The following SLC45A4 variants were observed in gnomAD, a reference collection of about 807,000 sequenced individuals.
SLC45A4 encodes polyamine-transporter SLC45A4.
SLC45A4 carries 32 observed loss-of-function variants against 63.7 expected under a neutral mutation model. The observed-to-expected ratio is 0.50, with a 90% CI of 0.38 to 0.67. The LOEUF (loss-of-function observed/expected upper bound fraction) is 0.67, where lower values mean the gene tolerates loss of function less well. SLC45A4 is among the 30% of genes least tolerant of loss of function. SLC45A4 has a pLI of 0.00. For synonymous variants in SLC45A4, 535 were observed against 510.0 expected, an observed-to-expected ratio of 1.05 and a Z score of -0.66; for missense variants, 1,027 against 1,157.7, an observed-to-expected ratio of 0.89 and a Z score of 1.64.
chr8:141,239,142 AC>A (rs1361658599), intron 2 of SLC45A4, among the ~76,000 whole-genome samples: 2 of 152,182 alleles, frequency 1.3e-5, no homozygotes, highest in African/African-American at 4.8e-5. Context: ...ACAAAGCCCT[AC>A]CAGGTTACCC....
chr8:141,290,709 C>G (rs1221905514), intron 1 of SLC45A4, among the ~76,000 whole-genome samples: 1 of 152,250 alleles, frequency 6.6e-6, no homozygotes, highest in Non-Finnish European at 1.5e-5. Context: ...CCAGGTCAAG[C>G]ACGTTGTCCT....
Position 141,256,850 on chromosome 8 carries a change from G to A in SLC45A4, c.-400-2221C>T. Reference sequence around the variant, plus strand: ...CTGCAATATTTTTTCAAAAAACTGTGTAATGAAACTTTTTTTTTTTTTTGA... The same window carrying A: ...CTGCAATATTTTTTCAAAAAACTGTATAATGAAACTTTTTTTTTTTTTTGA... On this transcript the variant is annotated intron_variant, in intron 1 of 8. Coordinates refer to ENST00000517878, the MANE Select transcript of SLC45A4 (RefSeq NM_001286646.2). This position sits in a 1 kb window ranked among gnomAD's most constrained non-coding sequence, Gnocchi z 4.3. 6.0e-6 allele frequency: 2 copies of A among 331,818 alleles called. No individual in the cohort carries two copies. Among genetic ancestry groups the A allele is most frequent in the Non-Finnish European group, 6.0e-6 (1 of 167,820 alleles). The allele number at this position is 331,818 out of a possible 1,614,324, so 20.6% of individuals were successfully genotyped here. A position where few individuals can be genotyped will look rare whatever the true frequency, so the allele number is the denominator to read the frequency against.
intron 1 of SLC45A4, chr8:141,292,973 T>A (rs1348979324): frequency 6.6e-6 from 1 of 152,150 alleles, no homozygotes; most frequent in African/African-American, 2.4e-5. Flanking sequence ...GGGGCCTACA[T>A]ACCCCCTAGG....
chr8:141,213,008 A>G (rs1352451177), intron 7 of SLC45A4, among the ~76,000 whole-genome samples: 3 of 152,236 alleles, frequency 2.0e-5, no homozygotes, highest in Non-Finnish European at 4.4e-5. Flanking sequence ...AAGAGTGAGC[A>G]GTTTCACTTG....
intron 2 of SLC45A4, among the ~76,000 whole-genome samples, chr8:141,238,742 T>C (rs910884912): frequency 1.3e-5 from 2 of 151,944 alleles, no homozygotes; most frequent in African/African-American, 4.8e-5. Flanking sequence ...GAGTATAGAT[T>C]TACGTAGCAC....
intron 8 of SLC45A4, 43 bp downstream of exon 8, chr8:141,212,154 A>T: frequency 3.7e-6 from 2 of 534,410 alleles, no homozygotes; most frequent in Non-Finnish European, 4.5e-6. Context: ...CCGCCCGCCC[A>T]CCCGCCCACT....
chr8:141,291,131 C>T (rs1342078557), intron 1 of SLC45A4, among the ~76,000 whole-genome samples: 3 of 152,184 alleles, frequency 2.0e-5, no homozygotes, highest in Non-Finnish European at 2.9e-5. Context: ...GTGATCCACC[C>T]ACCTCAGCCT....
In SLC45A4 at chr8:141,215,805, G is replaced by C; in HGVS notation, c.1895C>G (p.Ser632Cys). Residue 632 changes from serine (S) to cysteine (C), a missense_variant, in exon 7 of 9, where the codon TCC becomes TGC. Transcript: ENST00000517878. This position sits in a 1 kb window ranked among gnomAD's most constrained non-coding sequence, Gnocchi z 4.3. The stretch of plus-strand genomic sequence containing the variant: ...GCCCAGCAGGGCGTACGGGCAGTAG[G>C]AGATGCTCATGGAGACGATGCCCAT... ...STMGIVSMSI[S>C]YCPYALLGQY... 1 of 1,614,082 alleles carries C rather than the reference G, an allele frequency of 6.2e-7. No individual in the cohort carries two copies. Among genetic ancestry groups the C allele is most frequent in the Non-Finnish European group, 8.5e-7 (1 of 1,180,028 alleles).
chr8:141,262,311 G>A (rs1290198647), intron 1 of SLC45A4, among the ~76,000 whole-genome samples: 2 of 149,084 alleles, frequency 1.3e-5, no homozygotes, highest in African/African-American at 5.0e-5. Context: ...GCATGGGCAA[G>A]GACTTCATGT....
Position 141,215,117 on chromosome 8 carries a change from C to A in SLC45A4, c.1941+642G>T, listed in dbSNP as rs935771327. ...CGTGAGTGAATCCTAGAGGATGAAGCCAGATGTTTCAGCTGCATAAAGTCC... is the reference window on the plus strand; with the variant it reads ...CGTGAGTGAATCCTAGAGGATGAAGACAGATGTTTCAGCTGCATAAAGTCC... On this transcript the variant is annotated intron_variant, in intron 7 of 8. Transcript: ENST00000517878. This position sits in a 1 kb window ranked among gnomAD's most constrained non-coding sequence, Gnocchi z 4.3. 6.6e-6 allele frequency among the ~76,000 whole-genome samples: 1 copy of A among 152,138 alleles called. No homozygotes were observed. The highest frequency in any genetic ancestry group is 1.5e-5 in the Non-Finnish European group (1 of 68,032).
rs1028143475 is a variant in SLC45A4, at chr8:141,227,613, G to A, written c.242-5848C>T. On this transcript the variant is annotated intron_variant, in intron 2 of 8. Coordinates refer to ENST00000517878, the MANE Select transcript of SLC45A4 (RefSeq NM_001286646.2). The surrounding 1 kb of genome is among the most constrained non-coding windows in gnomAD (Gnocchi z 4.4). The stretch of plus-strand genomic sequence containing the variant: ...AAAGACACTGGGCCGGGGGAGCCGG[G>A]CCCCCAGGGCTCGGGCCACCTGCTT... Among the ~76,000 whole-genome samples, 5 of 152,236 alleles carry A rather than the reference G, an allele frequency of 3.3e-5. No homozygotes were observed. The highest frequency in any genetic ancestry group is 1.2e-4 in the African/African-American group (5 of 41,548).
Position 141,256,815 on chromosome 8 carries a change from T to G in SLC45A4, c.-400-2186A>C, listed in dbSNP as rs995077751. 7.5e-5 allele frequency: 26 copies of G among 344,570 alleles called. No homozygotes were observed. Among genetic ancestry groups the G allele is most frequent in the African/African-American group, 5.4e-4 (25 of 46,432 alleles). The allele number at this position is 344,570 out of a possible 1,614,324, so 21.3% of individuals were successfully genotyped here. ...TCAATTAAAACAAGAGTTTCCAAAC[T>G]GTCACCTTACTGCAATATTTTTTCA... On this transcript the variant is annotated intron_variant, in intron 1 of 8. Transcript: ENST00000517878. The surrounding 1 kb of genome is among the most constrained non-coding windows in gnomAD (Gnocchi z 4.3).
intron 2 of SLC45A4, among the ~76,000 whole-genome samples, chr8:141,248,988 A>C (rs1208217428): frequency 6.7e-6 from 1 of 150,138 alleles, no homozygotes; most frequent in Non-Finnish European, 1.5e-5. Context: ...GTGGCACTCC[A>C]GCCTGGGTGA....
chr8:141,271,472 C>T (rs994688241), intron 1 of SLC45A4, among the ~76,000 whole-genome samples: 7 of 152,216 alleles, frequency 4.6e-5, no homozygotes, highest in Non-Finnish European at 7.3e-5. Context: ...CCAAGAACCA[C>T]GTCATTCAGA....
At chr8:141,219,892 C>G (rs1254493045) in intron 3 of SLC45A4, 63 bp from the exon 4 acceptor site, 8 of 1,433,714 alleles carry the variant, frequency 5.6e-6, no homozygotes, top group East Asian at 2.7e-5. Context: ...GGCCTGATAG[C>G]AAACAGCCAC....
At chr8:141,277,652 T>G (rs1829779438) in intron 1 of SLC45A4, among the ~76,000 whole-genome samples, 1 of 152,186 alleles carries the variant, frequency 6.6e-6, no homozygotes, top group Non-Finnish European at 1.5e-5. Context: ...AAACATTTTT[T>G]TTTTTGAGAT....
chr8:141,281,995 C>T (rs1034939844), intron 1 of SLC45A4, among the ~76,000 whole-genome samples: 7 of 152,286 alleles, frequency 4.6e-5, no homozygotes, highest in East Asian at 3.9e-4. Flanking sequence ...AACGCCAGGA[C>T]GCATGGTTGG....
intron 2 of SLC45A4, chr8:141,230,351 C>T (rs956320898): frequency 1.4e-5 from 5 of 347,682 alleles, no homozygotes; most frequent in Non-Finnish European, 2.8e-5. Flanking sequence ...CCTCTCAGGA[C>T]AGAAGGCAGA....
chr8:141,284,314 C>A (rs1830063285), intron 1 of SLC45A4, among the ~76,000 whole-genome samples: 1 of 152,200 alleles, frequency 6.6e-6, no homozygotes. Context: ...GCCACAGGGC[C>A]AGGGTGGCAG....
Sources: allele counts gnomAD v4.1 joint callset (sites outside exome capture counted in the v4.1 genomes callset), GRCh38; gene constraint gnomAD v4.1.1; non-coding constraint Gnocchi (gnomAD v3.1); transcripts MANE v1.5; gene names NCBI Gene and HGNC (gene_info 2026-07-23, HGNC 2026-07-21).